The following DPP4 variants were observed in gnomAD, a reference collection of about 807,000 sequenced individuals.
DPP4 encodes the protein ADCP-2.
Under a neutral mutation model 122.4 loss-of-function variants are expected in DPP4, and 93 were observed. The observed-to-expected ratio is 0.76, with a 90% CI of 0.64 to 0.90. The LOEUF is 0.90. DPP4 is among the 40% of genes least tolerant of loss of function. DPP4 has a pLI of 0.00. For missense variants in DPP4, 914 were observed against 907.3 expected (o/e 1.01, Z -0.09); for synonymous variants, 321 against 302.9 (o/e 1.06, Z -0.62).
intron 7 of DPP4, 131 bp from the exon 8 acceptor site, chr2:162,038,553 T>G (rs1395282184): frequency 1.0e-5 from 10 of 965,944 alleles, no homozygotes; most frequent in African/African-American, 1.7e-5. Context: ...ACAGGAAGAG[T>G]CATTTACTCC....
At chr2:161,999,270 G>C (rs1701084886) in intron 23 of DPP4, among the ~76,000 whole-genome samples, 1 of 152,048 alleles carries the variant, frequency 6.6e-6, no homozygotes, top group Admixed American at 6.6e-5. Flanking sequence ...GAAATAACAG[G>C]CATGAATTTA....
intron 24 of DPP4, 54 bp from the exon 25 acceptor site, chr2:161,995,088 G>A: frequency 1.9e-6 from 3 of 1,582,946 alleles, no homozygotes; most frequent in Non-Finnish European, 2.6e-6. Context: ...CAGTTTTCTG[G>A]TACCAAGGGG....
chr2:162,018,253 T>G (rs755597765), intron 16 of DPP4, among the ~76,000 whole-genome samples: 10 of 152,230 alleles, frequency 6.6e-5, no homozygotes, highest in Non-Finnish European at 1.0e-4. Flanking sequence ...GAGGCCTGTT[T>G]TGAATCCTGT....
At chr2:162,047,591 A>G (rs1684233761) in intron 2 of DPP4, 90 bp from the exon 3 acceptor site, 2 of 809,678 alleles carry the variant, frequency 2.5e-6, no homozygotes, top group African/African-American at 1.7e-5. Flanking sequence ...TCTACAATAT[A>G]CCCTGCTCAA....
At chr2:162,021,450 C>T (rs1021014916) in intron 12 of DPP4, 4 of 152,162 alleles carry the variant, frequency 2.6e-5, no homozygotes, top group African/African-American at 9.7e-5. Flanking sequence ...ATTTTGATTT[C>T]CTAGCTACAT....
chr2:161,995,069 T>C (rs1428177823), intron 24 of DPP4, 35 bp from the exon 25 acceptor site: 4 of 1,609,344 alleles, frequency 2.5e-6, no homozygotes, highest in African/African-American at 1.3e-5. Flanking sequence ...AAGTAGCTAA[T>C]AGCCACTCCA....
At chr2:162,005,658 T>A in intron 23 of DPP4, 87 bp downstream of exon 23, 1 of 1,188,244 alleles carries the variant, frequency 8.4e-7, no homozygotes, top group Non-Finnish European at 1.2e-6. Context: ...AATAAAAATA[T>A]GTATTTTCTA....
intron 10 of DPP4, among the ~76,000 whole-genome samples, 164 bp downstream of exon 10, chr2:162,033,377 C>G (rs370351535): frequency 2.0e-5 from 3 of 152,100 alleles, no homozygotes; most frequent in Non-Finnish European, 4.4e-5. Context: ...AGCCTGAGGA[C>G]GTGAAGATGC....
chr2:162,019,158 A>T (rs1683029104), intron 15 of DPP4, 65 bp downstream of exon 15: 1 of 1,411,248 alleles, frequency 7.1e-7, no homozygotes, highest in African/African-American at 1.4e-5. Context: ...AAAAAATAAA[A>T]ATAGAGTTCA....
chr2:161,993,482 G>A, intron 25 of DPP4, 98 bp from the exon 26 acceptor site: 1 of 803,864 alleles, frequency 1.2e-6, no homozygotes, highest in South Asian at 1.7e-5. Flanking sequence ...AGCATACATG[G>A]TATAAAACAG....
At chr2:162,062,272 A>T (rs572036773) in intron 2 of DPP4, among the ~76,000 whole-genome samples, 2 of 152,282 alleles carry the variant, frequency 1.3e-5, no homozygotes, top group South Asian at 2.1e-4. Context: ...ACAGAGCAAG[A>T]CTCCATCTCA....
chr2:162,054,727 C>T (rs896760284), intron 2 of DPP4, among the ~76,000 whole-genome samples: 2 of 152,158 alleles, frequency 1.3e-5, no homozygotes, highest in Non-Finnish European at 1.5e-5. Context: ...GATATTAAAC[C>T]TCCCATCTCC....
At chr2:162,059,405 A>C (rs534640862) in intron 2 of DPP4, among the ~76,000 whole-genome samples, 1 of 152,342 alleles carries the variant, frequency 6.6e-6, no homozygotes, top group South Asian at 2.1e-4. Flanking sequence ...GGTGATGATA[A>C]ACACTTGAAA....
intron 2 of DPP4, among the ~76,000 whole-genome samples, chr2:162,064,987 G>C (rs188956026): frequency 6.6e-6 from 1 of 152,162 alleles, no homozygotes; most frequent in African/African-American, 2.4e-5. Flanking sequence ...CCAAATACAC[G>C]ATATGCCTAC....
At chr2:162,056,920 T>C (rs1684599981) in intron 2 of DPP4, among the ~76,000 whole-genome samples, 1 of 152,184 alleles carries the variant, frequency 6.6e-6, no homozygotes. Flanking sequence ...TTGCATTCAG[T>C]TGGACCTGCT....
At chr2:162,003,899 A>G (rs931419979) in intron 23 of DPP4, among the ~76,000 whole-genome samples, 1 of 152,204 alleles carries the variant, frequency 6.6e-6, no homozygotes, top group African/African-American at 2.4e-5. Context: ...CAAGATACCT[A>G]TTAGTTCAAG....
chr2:162,059,283 T>TTGATAAGAC (rs1342990563), intron 2 of DPP4, among the ~76,000 whole-genome samples: 5 of 152,176 alleles, frequency 3.3e-5, no homozygotes, highest in Non-Finnish European at 7.3e-5. Flanking sequence ...CCCTCTTTTC[T>TTGATAAGAC]TGATAAGACT....
intron 2 of DPP4, among the ~76,000 whole-genome samples, chr2:162,050,494 T>C (rs72868664): frequency 0.026 from 3,944 of 152,244 alleles, 53 homozygotes; most frequent in African/African-American, 0.036. Flanking sequence ...ATTTCCCAGA[T>C]ATCAACTCTG....
At chr2:162,030,637 C>T (rs1382993398) in intron 10 of DPP4, among the ~76,000 whole-genome samples, 1 of 152,146 alleles carries the variant, frequency 6.6e-6, no homozygotes, top group Non-Finnish European at 1.5e-5. Context: ...AACGGTGTAT[C>T]ATCATGTACT....
Sources: allele counts gnomAD v4.1 joint callset (sites outside exome capture counted in the v4.1 genomes callset), GRCh38; gene constraint gnomAD v4.1.1; transcripts MANE v1.5; gene names NCBI Gene and HGNC (gene_info 2026-07-23, HGNC 2026-07-21).